DSCAML1: variants seen among roughly 807,000 people sequenced by gnomAD.
DSCAML1 encodes the protein cell adhesion molecule DSCAML1.
Under a neutral mutation model 200.5 loss-of-function variants are expected in DSCAML1, and 38 were observed. The ratio of observed to expected loss-of-function variants is 0.19; its 90% CI spans 0.15 to 0.25. DSCAML1 has a LOEUF of 0.25. Among genes scored for constraint, DSCAML1 ranks in the 10% least tolerant of loss-of-function variants. DSCAML1 has a pLI of 1.00. For synonymous variants in DSCAML1, 1,215 were observed against 1,165.0 expected (o/e 1.04, Z -0.87); for missense variants, 2,223 against 2,858.8 (o/e 0.78, Z 5.07).
intron 19 of DSCAML1, among the ~76,000 whole-genome samples, chr11:117,458,467 C>T (rs2048416768): frequency 6.6e-6 from 1 of 152,148 alleles, no homozygotes; most frequent in Admixed American, 6.5e-5. Context: ...AGAAAGAATG[C>T]CCATGGTGTG....
chr11:117,462,654 A>G (rs2048503288), intron 17 of DSCAML1, among the ~76,000 whole-genome samples: 1 of 152,250 alleles, frequency 6.6e-6, no homozygotes, highest in Non-Finnish European at 1.5e-5. Flanking sequence ...GTGTAAAAAT[A>G]TAAGCACCAT....
At chr11:117,737,268 G>GA (rs2054334529) in intron 3 of DSCAML1, among the ~76,000 whole-genome samples, 1 of 152,184 alleles carries the variant, frequency 6.6e-6, no homozygotes, top group South Asian at 2.1e-4. Context: ...GATGAAAAAG[G>GA]AAGAACAGCT....
intron 3 of DSCAML1, among the ~76,000 whole-genome samples, chr11:117,544,245 T>C (rs554409797): frequency 2.0e-5 from 3 of 152,300 alleles, no homozygotes; most frequent in African/African-American, 4.8e-5. Context: ...AAAAGAGAAA[T>C]TGCAATCAAT....
intron 21 of DSCAML1, 93 bp downstream of exon 21, chr11:117,443,793 G>GAGC: frequency 6.7e-7 from 1 of 1,482,430 alleles, no homozygotes; most frequent in South Asian, 1.3e-5. Context: ...AGATAAAGCG[G>GAGC]AGCAGGCAGA....
Position 117,437,727 on chromosome 11 carries a change from G to C in DSCAML1, c.4432+168C>G, listed in dbSNP as rs2047949440. Reference sequence around the variant, plus strand: ...CTAGTTTTTCCTAATGGGATCCATCGGGACACTGTGGTGACGGGAAGGAGG... The same window carrying C: ...CTAGTTTTTCCTAATGGGATCCATCCGGACACTGTGGTGACGGGAAGGAGG... On this transcript the variant is annotated intron_variant, in intron 25 of 32. Coordinates refer to ENST00000651296, the MANE Select transcript of DSCAML1 (RefSeq NM_020693.4). This position sits in a 1 kb window ranked among gnomAD's most constrained non-coding sequence, Gnocchi z 5.3. 6.6e-6 allele frequency among the ~76,000 whole-genome samples: 1 copy of C among 152,210 alleles called. No homozygotes were observed. Among genetic ancestry groups the C allele is most frequent in the Non-Finnish European group, 1.5e-5 (1 of 67,984 alleles).
chr11:117,521,099 C>T (rs780260302), intron 6 of DSCAML1, 31 bp downstream of exon 6: 1 of 1,604,080 alleles, frequency 6.2e-7, no homozygotes, highest in Non-Finnish European at 8.5e-7. Context: ...AGCCCTGAAC[C>T]CGCCCCCTGT....
At chr11:117,439,702 G>A (rs146075755) in intron 22 of DSCAML1, 117 bp downstream of exon 22, 6 of 1,011,448 alleles carry the variant, frequency 5.9e-6, no homozygotes, top group Non-Finnish European at 9.1e-6. Context: ...CAGGGCCTCT[G>A]CAGGCCTGGA....
intron 1 of DSCAML1, among the ~76,000 whole-genome samples, chr11:117,785,541 G>GGAAGACAGTTGGGGGTC (rs1377794351): frequency 6.6e-6 from 1 of 152,114 alleles, no homozygotes; most frequent in Admixed American, 6.5e-5. Context: ...CCTCAGCGGT[G>GGAAGACAGTTGGGGGTC]GAAGACAGTT....
intron 19 of DSCAML1, among the ~76,000 whole-genome samples, chr11:117,457,600 T>G (rs1424289140): frequency 6.6e-6 from 1 of 151,746 alleles, no homozygotes; most frequent in East Asian, 1.9e-4. Flanking sequence ...GGCAGGCAGG[T>G]TGGTAAATAT....
intron 3 of DSCAML1, among the ~76,000 whole-genome samples, chr11:117,682,118 C>T (rs938291903): frequency 7.2e-5 from 11 of 152,170 alleles, no homozygotes; most frequent in African/African-American, 1.9e-4. Context: ...TGGGTGCCAG[C>T]GGTCCTCCTC....
Position 117,438,877 on chromosome 11 carries a change from C to G in DSCAML1, c.4243+8G>C, listed in dbSNP as rs772314721. On this transcript the variant is annotated splice_region_variant and intron_variant, in intron 24 of 32. Coordinates refer to ENST00000651296, the MANE Select transcript of DSCAML1 (RefSeq NM_020693.4). Reference sequence around the variant, plus strand: ...CCTATCTTCCCCCGCATCCAGACCCCTCCTCACCTCGGATGGAGCTGCCCC... The same window carrying G: ...CCTATCTTCCCCCGCATCCAGACCCGTCCTCACCTCGGATGGAGCTGCCCC... 19 of 1,577,768 alleles carry G rather than the reference C, an allele frequency of 1.2e-5. No homozygotes were observed. In the African/African-American group the frequency reaches 2.3e-4, roughly 19 times the overall value.
At chr11:117,665,724 T>C (rs1290145875) in intron 3 of DSCAML1, among the ~76,000 whole-genome samples, 2 of 152,172 alleles carry the variant, frequency 1.3e-5, no homozygotes, top group African/African-American at 2.4e-5. Context: ...CCAGGCAGCA[T>C]GGTACCTGAG....
At position 117,525,077 on chromosome 11, in the gene DSCAML1, G is replaced by A; in HGVS notation, c.665C>T (p.Ala222Val). 1.3e-6 allele frequency: 2 copies of A among 1,554,302 alleles called. No homozygotes were observed. Among genetic ancestry groups the A allele is most frequent in the Non-Finnish European group, 1.7e-6 (2 of 1,154,740 alleles). The change falls in exon 5 of 33, where the codon GCT becomes GTT. Residue 222 changes from alanine to valine, a missense_variant. Ala to Val is a moderately conservative substitution (Grantham distance 64). Coordinates refer to ENST00000651296, the MANE Select transcript of DSCAML1 (RefSeq NM_020693.4). ...ATCCAGGATGGTGGGGATCGACTCAGCAGGGTCTGGAAGGCAGAGAGGGTC... is the reference window on the plus strand; with the variant it reads ...ATCCAGGATGGTGGGGATCGACTCAACAGGGTCTGGAAGGCAGAGAGGGTC... ...NGARLSVTDP[A>V]ESIPTILDGF...
At chr11:117,713,173 T>G (rs2053882962) in intron 3 of DSCAML1, among the ~76,000 whole-genome samples, 1 of 152,122 alleles carries the variant, frequency 6.6e-6, no homozygotes, top group South Asian at 2.1e-4. Flanking sequence ...CTCGGCTCAC[T>G]GCGACCTCCA....
At chr11:117,497,644 G>C (rs1022936638) in intron 11 of DSCAML1, among the ~76,000 whole-genome samples, 1 of 152,278 alleles carries the variant, frequency 6.6e-6, no homozygotes, top group Non-Finnish European at 1.5e-5. Flanking sequence ...CTCCAGCAGC[G>C]GTGGAGGTGG....
chr11:117,449,845 GA>G (rs2137115569), intron 20 of DSCAML1, among the ~76,000 whole-genome samples: 1 of 152,152 alleles, frequency 6.6e-6, no homozygotes, highest in East Asian at 1.9e-4. Flanking sequence ...AGGCAGAGGG[GA>G]AAATACATAT....
At chr11:117,777,431 A>G (rs1004435931) in intron 2 of DSCAML1, among the ~76,000 whole-genome samples, 1 of 152,208 alleles carries the variant, frequency 6.6e-6, no homozygotes, top group Non-Finnish European at 1.5e-5. Context: ...AATGCACCCA[A>G]ACAAAACCTG....
At chr11:117,488,767 T>C (rs1426301423) in intron 11 of DSCAML1, among the ~76,000 whole-genome samples, 1 of 152,206 alleles carries the variant, frequency 6.6e-6, no homozygotes, top group South Asian at 2.1e-4. Context: ...AAGCACAGGC[T>C]CTCTCCACAC....
intron 8 of DSCAML1, among the ~76,000 whole-genome samples, chr11:117,511,703 G>A (rs2049621613): frequency 6.6e-6 from 1 of 152,132 alleles, no homozygotes; most frequent in South Asian, 2.1e-4. Context: ...AACACAGCAG[G>A]CTCCCTTGGG....
Sources: gnomAD v4.1 joint callset for allele counts (sites outside exome capture counted in the v4.1 genomes callset) on GRCh38, gnomAD v4.1.1 for gene constraint, Gnocchi (gnomAD v3.1) non-coding constraint, MANE v1.5 for transcripts, NCBI Gene and HGNC (gene_info 2026-07-23, HGNC 2026-07-21) for gene names.